PCDHGA9: variants seen among roughly 807,000 people sequenced by gnomAD.
PCDHGA9 encodes the protein protocadherin gamma subfamily A, 9, also known as protocadherin gamma-A9.
PCDHGA9 carries 37 observed loss-of-function variants against 62.5 expected under a neutral mutation model. The ratio of observed to expected loss-of-function variants is 0.59; its 90% CI spans 0.46 to 0.78. The LOEUF is 0.78. PCDHGA9 is among the 30% of genes least tolerant of loss of function. The pLI, the probability that PCDHGA9 is intolerant of heterozygous loss-of-function variation, is 0.00. For missense variants in PCDHGA9, 1,138 were observed against 1,166.2 expected (o/e 0.98, Z 0.35); for synonymous variants, 459 against 484.6 (o/e 0.95, Z 0.69).
chr5:141,432,538 G>C lies in PCDHGA9; in HGVS notation c.2424+27162G>C, dbSNP rs200601557. The C allele has an allele frequency of 2.5e-5, 40 of 1,614,026 alleles. No individual in the cohort carries two copies. The highest frequency in any genetic ancestry group is 1.5e-4 in the Admixed American group (9 of 60,032). On this transcript the variant is annotated intron_variant, in intron 1 of 3. Coordinates refer to ENST00000573521, the MANE Select transcript of PCDHGA9 (RefSeq NM_018921.3). This position sits in a 1 kb window ranked among gnomAD's most constrained non-coding sequence, Gnocchi z 6.0. ...GCTACCTGGTGACCAAGGTGGTGGC[G>C]GTGGACAGAGACTCCGGCCAGAACG...
At chr5:141,407,497 G>GTTTTTTTTTTTTTTTTTTTTTTT (rs1554102286) in intron 1 of PCDHGA9, among the ~76,000 whole-genome samples, 2 of 152,088 alleles carry the variant, frequency 1.3e-5, no homozygotes, top group African/African-American at 4.8e-5. Context: ...CTTTATTTCT[G>GTTTTTTTTTTTTTTTTTTTTTTT]TTTTTCTTAG....
At chr5:141,415,611 A>G in intron 1 of PCDHGA9, 1 of 1,613,152 alleles carries the variant, frequency 6.2e-7, no homozygotes, top group Non-Finnish European at 8.5e-7. Context: ...CATTGGTTCC[A>G]GTGAGTTTTA....
At chr5:141,494,890 C>A (rs1483157263) in intron 2 of PCDHGA9, 25 bp downstream of exon 2, 1 of 1,614,120 alleles carries the variant, frequency 6.2e-7, no homozygotes. Context: ...CTCCAGCCCA[C>A]CCTCTTCTCT....
intron 1 of PCDHGA9, among the ~76,000 whole-genome samples, chr5:141,453,574 G>T (rs1285296493): frequency 6.6e-6 from 1 of 152,084 alleles, no homozygotes; most frequent in Non-Finnish European, 1.5e-5. Context: ...TCATTAGTTT[G>T]TGGTTTATCC....
At chr5:141,418,418 G>C (rs1366605966) in intron 1 of PCDHGA9, 1 of 1,613,998 alleles carries the variant, frequency 6.2e-7, no homozygotes, top group East Asian at 2.2e-5. Flanking sequence ...AGACAATCCT[G>C]ATGGTGGCAA....
In PCDHGA9 at chr5:141,485,179, C is replaced by G. The variant is rs1405000217; in HGVS notation, c.2425-9628C>G. The G allele has an allele frequency of 1.2e-6, 2 of 1,612,648 alleles. No homozygotes were observed. Among genetic ancestry groups the G allele is most frequent in the African/African-American group, 2.7e-5 (2 of 74,924 alleles). ...AGAATTAGCGGGCGGCAGCAATGCT[C>G]CGCAAGGTGAGAAGCTGGACAGAAA... is the stretch of plus-strand genomic sequence containing the variant. On this transcript the variant is annotated intron_variant, in intron 1 of 3. Transcript: ENST00000573521. This position sits in a 1 kb window ranked among gnomAD's most constrained non-coding sequence, Gnocchi z 5.7.
At chr5:141,445,254 AAT>A (rs1214840265) in intron 1 of PCDHGA9, among the ~76,000 whole-genome samples, 49 of 152,350 alleles carry the variant, frequency 3.2e-4, no homozygotes, top group Non-Finnish European at 5.9e-5. Context: ...ATTGTGTGAG[AAT>A]ATAAGTCGAA....
Position 141,409,934 on chromosome 5 carries a change from G to A in PCDHGA9, c.2424+4558G>A. The A allele has an allele frequency of 1.9e-6, 3 of 1,613,362 alleles. No individual in the cohort carries two copies. Among genetic ancestry groups the A allele is most frequent in the South Asian group, 2.2e-5 (2 of 91,074 alleles). On this transcript the variant is annotated intron_variant, in intron 1 of 3. Transcript: ENST00000573521. ...TGACGGCTCCGCGTTCTTCGATATG[G>A]TACCTCGCTCTGCAGAGCCCGGCTA...
intron 1 of PCDHGA9, chr5:141,423,740 G>T: frequency 1.4e-6 from 1 of 698,992 alleles, no homozygotes; most frequent in Non-Finnish European, 1.8e-6. Flanking sequence ...AGCCTGTTAT[G>T]AAAACTGTTT....
intron 1 of PCDHGA9, among the ~76,000 whole-genome samples, chr5:141,463,191 C>T (rs2099054821): frequency 6.6e-6 from 1 of 152,100 alleles, no homozygotes; most frequent in Non-Finnish European, 1.5e-5. Flanking sequence ...TATTATTTAG[C>T]CAAAGACTTG....
In PCDHGA9 at chr5:141,489,087, T is replaced by A. The variant is rs2099682381; in HGVS notation, c.2425-5720T>A. ...CCCCCTGCCCACCCCCGCCACTCGG[T>A]GACTAAGAACTGCTGCAAGCAGGCA... is the stretch of plus-strand genomic sequence containing the variant. On this transcript the variant is annotated intron_variant, in intron 1 of 3. Coordinates refer to ENST00000573521, the MANE Select transcript of PCDHGA9 (RefSeq NM_018921.3). This position sits in a 1 kb window ranked among gnomAD's most constrained non-coding sequence, Gnocchi z 4.5. The A allele has an allele frequency of 4.6e-6, 1 of 216,106 alleles. No individual in the cohort carries two copies. Among genetic ancestry groups the A allele is most frequent in the Non-Finnish European group, 8.4e-6 (1 of 118,734 alleles). 13.4% of individuals were successfully genotyped at this position (216,106 alleles called of 1,614,324 possible). A position where few individuals can be genotyped will look rare whatever the true frequency, so the allele number is the denominator to read the frequency against.
intron 1 of PCDHGA9, chr5:141,410,459 A>C (rs2095396770): frequency 6.2e-7 from 1 of 1,613,864 alleles, no homozygotes; most frequent in Admixed American, 1.7e-5. Context: ...TTATTCTTAT[A>C]ATCTGTGCAT....
At chr5:141,418,794 TAGAA>T in intron 1 of PCDHGA9, 1 of 1,613,706 alleles carries the variant, frequency 6.2e-7, no homozygotes, top group South Asian at 1.1e-5. Flanking sequence ...TTTGAAGAAG[TAGAA>T]AGATATACGA....
intron 1 of PCDHGA9, chr5:141,416,273 T>C (rs891505781): frequency 8.5e-5 from 13 of 152,298 alleles, no homozygotes; most frequent in African/African-American, 3.1e-4. Flanking sequence ...CCTTTTTGCA[T>C]ACAATTCTCT....
intron 1 of PCDHGA9, chr5:141,408,089 G>C: frequency 7.0e-7 from 1 of 1,424,386 alleles, no homozygotes; most frequent in Non-Finnish European, 9.2e-7. Flanking sequence ...ACAGCGGATT[G>C]CCAGCTCCGA....
At chr5:141,414,336 C>T (rs567878158) in intron 1 of PCDHGA9, 3 of 1,613,846 alleles carry the variant, frequency 1.9e-6, no homozygotes, top group East Asian at 2.2e-5. Flanking sequence ...GACAGGTAAC[C>T]TGTTCCATTT....
chr5:141,435,718 G>T (rs2097776232), intron 1 of PCDHGA9, among the ~76,000 whole-genome samples: 1 of 152,150 alleles, frequency 6.6e-6, no homozygotes, highest in African/African-American at 2.4e-5. Context: ...GACACTGAAT[G>T]CTAAAGTGTA....
chr5:141,447,257 A>G (rs1182682161), intron 1 of PCDHGA9, among the ~76,000 whole-genome samples: 1 of 152,080 alleles, frequency 6.6e-6, no homozygotes, highest in Non-Finnish European at 1.5e-5. Flanking sequence ...CTTCTGTCTC[A>G]GCCTCCCAAG....
chr5:141,492,122 C>G (rs2154587050), intron 1 of PCDHGA9, among the ~76,000 whole-genome samples: 1 of 152,328 alleles, frequency 6.6e-6, no homozygotes, highest in Admixed American at 6.5e-5. Context: ...GATTTCTCCC[C>G]AGCTCCCAGC....
Sources: gnomAD v4.1 joint callset for allele counts (sites outside exome capture counted in the v4.1 genomes callset) on GRCh38, gnomAD v4.1.1 for gene constraint, Gnocchi (gnomAD v3.1) non-coding constraint, MANE v1.5 for transcripts, NCBI Gene and HGNC (gene_info 2026-07-23, HGNC 2026-07-21) for gene names.